Variants in AUTS2 observed in about 807,000 individuals in gnomAD.
The protein encoded by AUTS2 is autism susceptibility gene 2 protein.
A neutral mutation model predicts 112.4 loss-of-function variants in AUTS2; 17 were observed. That is an observed-to-expected ratio of 0.15 (90% CI 0.10 to 0.23). AUTS2 has a LOEUF of 0.23. Ranked by LOEUF, AUTS2 falls within the 10% of genes least tolerant of loss-of-function variation. The pLI, the probability that AUTS2 is intolerant of heterozygous loss-of-function variation, is 1.00. For missense variants in AUTS2, 1,510 were observed against 1,701.6 expected, an observed-to-expected ratio of 0.89 and a Z score of 1.98; for synonymous variants, 751 against 702.7, an observed-to-expected ratio of 1.07 and a Z score of -1.09.
At chr7:70,153,902 T>G (rs1205166087) in intron 4 of AUTS2, among the ~76,000 whole-genome samples, 1 of 152,214 alleles carries the variant, frequency 6.6e-6, no homozygotes, top group Non-Finnish European at 1.5e-5. Flanking sequence ...GCCCAATCCT[T>G]TTTTTGGCTG....
At chr7:70,554,605 G>A (rs1274189677) in intron 5 of AUTS2, among the ~76,000 whole-genome samples, 5 of 152,074 alleles carry the variant, frequency 3.3e-5, no homozygotes, top group Non-Finnish European at 5.9e-5. Context: ...TTTGCCCCAG[G>A]ATAGTCTGGC....
chr7:70,035,421 G>A (rs1366435858), intron 2 of AUTS2, among the ~76,000 whole-genome samples: 1 of 152,210 alleles, frequency 6.6e-6, no homozygotes, highest in Non-Finnish European at 1.5e-5. Context: ...GAGCTGTTGG[G>A]TCAGTGATGC....
chr7:70,595,049 C>T (rs889419790), intron 5 of AUTS2, among the ~76,000 whole-genome samples: 1 of 151,590 alleles, frequency 6.6e-6, no homozygotes, highest in African/African-American at 2.4e-5. Context: ...TGCAGTGAGC[C>T]GAGATTGCAC....
intron 4 of AUTS2, among the ~76,000 whole-genome samples, chr7:70,242,723 C>G (rs1812686648): frequency 6.6e-6 from 1 of 152,154 alleles, no homozygotes. Context: ...AAATAGTCCA[C>G]TGTGTGTGCA....
At chr7:70,106,267 G>A (rs1804761890) in intron 2 of AUTS2, among the ~76,000 whole-genome samples, 1 of 152,206 alleles carries the variant, frequency 6.6e-6, no homozygotes, top group Admixed American at 6.5e-5. Context: ...AGTGACACAG[G>A]ACAATGTAGG....
intron 5 of AUTS2, among the ~76,000 whole-genome samples, chr7:70,594,984 G>A (rs897115304): frequency 1.3e-5 from 2 of 152,016 alleles, no homozygotes; most frequent in Admixed American, 6.6e-5. Flanking sequence ...GCCTGTAATC[G>A]CAGCTACTTG....
At chr7:69,753,959 T>C (rs777521441) in intron 1 of AUTS2, among the ~76,000 whole-genome samples, 1 of 152,204 alleles carries the variant, frequency 6.6e-6, no homozygotes, top group Non-Finnish European at 1.5e-5. Flanking sequence ...GGTTTTCTGC[T>C]GTTCACATGT....
At chr7:70,206,397 T>C (rs1458985579) in intron 4 of AUTS2, among the ~76,000 whole-genome samples, 4 of 152,172 alleles carry the variant, frequency 2.6e-5, no homozygotes, top group Non-Finnish European at 5.9e-5. Flanking sequence ...CATTTTACTT[T>C]ATTGTTACAT....
At chr7:69,911,552 C>T (rs1331920253) in intron 2 of AUTS2, among the ~76,000 whole-genome samples, 1 of 152,150 alleles carries the variant, frequency 6.6e-6, no homozygotes, top group Non-Finnish European at 1.5e-5. Context: ...GTGAGCAAGG[C>T]AGAGAGGAGC....
At chr7:70,725,995 C>CT (rs1787006106) in intron 6 of AUTS2, among the ~76,000 whole-genome samples, 1 of 146,758 alleles carries the variant, frequency 6.8e-6, no homozygotes, top group Non-Finnish European at 1.5e-5. Flanking sequence ...GCACTCCAGC[C>CT]TGGGGGACAG....
chr7:69,894,477 C>T lies in AUTS2; in HGVS notation c.310-4809C>T, dbSNP rs184144619. On this transcript the variant is annotated intron_variant, in intron 1 of 18. Coordinates refer to ENST00000342771, the MANE Select transcript of AUTS2 (RefSeq NM_015570.4). ...GAGCCCCCACAGGAAAGTGAAGACCCAAAAAGTGGCAAATCTTGAATCCTT... is the reference window on the plus strand; with the variant it reads ...GAGCCCCCACAGGAAAGTGAAGACCTAAAAAGTGGCAAATCTTGAATCCTT... Among the ~76,000 whole-genome samples the T allele has an allele frequency of 2.6e-5, 4 of 152,026 alleles. No individual in the cohort carries two copies. The East Asian group carries it at 7.8e-4, about 29-fold the overall frequency.
intron 1 of AUTS2, among the ~76,000 whole-genome samples, chr7:69,804,967 G>A (rs1245512933): frequency 1.3e-5 from 2 of 152,170 alleles, no homozygotes; most frequent in East Asian, 1.9e-4. Context: ...ACAGACAGAC[G>A]TTGCTTTCCT....
chr7:70,677,557 C>T (rs945185111), intron 5 of AUTS2, among the ~76,000 whole-genome samples: 12 of 152,102 alleles, frequency 7.9e-5, no homozygotes, highest in African/African-American at 1.4e-4. Flanking sequence ...AGCTTTGCCC[C>T]GTGTCTCCTG....
At chr7:69,696,681 C>T (rs1797576877) in intron 1 of AUTS2, among the ~76,000 whole-genome samples, 1 of 152,144 alleles carries the variant, frequency 6.6e-6, no homozygotes, top group Non-Finnish European at 1.5e-5. Flanking sequence ...AGAATGACCT[C>T]CATTTTGCCC....
At chr7:69,815,492 T>C (rs751973396) in intron 1 of AUTS2, among the ~76,000 whole-genome samples, 36 of 152,150 alleles carry the variant, frequency 2.4e-4, no homozygotes, top group Non-Finnish European at 1.5e-4. Context: ...TGCTCTGTTG[T>C]TTTGCATCTT....
intron 5 of AUTS2, among the ~76,000 whole-genome samples, chr7:70,690,407 C>T (rs1344937366): frequency 1.3e-5 from 2 of 152,204 alleles, no homozygotes; most frequent in Admixed American, 6.5e-5. Context: ...TCATCCATAA[C>T]GAAAGGTTCG....
At chr7:69,690,686 CAG>C (rs962681241) in intron 1 of AUTS2, among the ~76,000 whole-genome samples, 14 of 152,292 alleles carry the variant, frequency 9.2e-5, no homozygotes, top group Middle Eastern at 3.4e-3. Flanking sequence ...GAACCCCAAA[CAG>C]GGTGTCACAG....
intron 4 of AUTS2, among the ~76,000 whole-genome samples, chr7:70,236,848 G>T (rs1049880484): frequency 6.6e-6 from 1 of 152,136 alleles, no homozygotes; most frequent in African/African-American, 2.4e-5. Flanking sequence ...TGCTGTGTAT[G>T]TAGACTCATC....
chr7:69,641,735 G>T (rs190269209), intron 1 of AUTS2, among the ~76,000 whole-genome samples: 1 of 152,162 alleles, frequency 6.6e-6, no homozygotes, highest in Non-Finnish European at 1.5e-5. Flanking sequence ...TCTGCATCAT[G>T]AAGTATTCTT....
Sources: allele counts gnomAD v4.1 joint callset (sites outside exome capture counted in the v4.1 genomes callset), GRCh38; gene constraint gnomAD v4.1.1; transcripts MANE v1.5; gene names NCBI Gene and HGNC (gene_info 2026-07-23, HGNC 2026-07-21).